The following DOCK3 variants were observed in gnomAD, a reference collection of about 807,000 sequenced individuals.
The protein encoded by DOCK3 is dedicator of cytokinesis 3.
DOCK3 carries 60 observed loss-of-function variants against 265.6 expected under a neutral mutation model. The observed-to-expected ratio is 0.23, with a 90% confidence interval of 0.18 to 0.28. DOCK3 has a LOEUF of 0.28. Ranked by LOEUF, DOCK3 falls within the 10% of genes least tolerant of loss-of-function variation. DOCK3 has a pLI of 1.00. For synonymous variants in DOCK3, 881 were observed against 938.0 expected (o/e 0.94, Z 1.11); for missense variants, 1,981 against 2,594.3 (o/e 0.76, Z 5.14).
intron 9 of DOCK3, among the ~76,000 whole-genome samples, chr3:51,142,789 G>C (rs1402398621): frequency 6.6e-6 from 1 of 152,132 alleles, no homozygotes; most frequent in Non-Finnish European, 1.5e-5. Flanking sequence ...CTGTCAAGCT[G>C]TTTTCCAAAG....
intron 27 of DOCK3, among the ~76,000 whole-genome samples, chr3:51,299,922 T>G (rs765938393): frequency 6.6e-6 from 1 of 152,220 alleles, no homozygotes; most frequent in African/African-American, 2.4e-5. Flanking sequence ...ATATGACTTT[T>G]AAAGTAGTTT....
Position 51,220,512 on chromosome 3 carries a change from C to T in DOCK3, c.1253-5137C>T, listed in dbSNP as rs548469054. On this transcript the variant is annotated intron_variant, in intron 14 of 52. Coordinates refer to ENST00000266037, the MANE Select transcript of DOCK3 (RefSeq NM_004947.5). ...TCTCTACTAAAAATACAAAAATTAG[C>T]TCGGCATGGTGGCAGGAGCCTTTAA... 2.6e-5 allele frequency among the ~76,000 whole-genome samples: 4 copies of T among 151,592 alleles called. No individual in the cohort carries two copies. In the South Asian group the frequency reaches 6.3e-4, roughly 24 times the overall value.
At chr3:51,230,750 C>T (rs951218029) in intron 19 of DOCK3, among the ~76,000 whole-genome samples, 2 of 152,124 alleles carry the variant, frequency 1.3e-5, no homozygotes, top group Non-Finnish European at 2.9e-5. Context: ...CCCTTGACCT[C>T]GTGATCCATC....
chr3:51,344,097 G>A lies in DOCK3; in HGVS notation c.3915+2712G>A, dbSNP rs776544847. The stretch of plus-strand genomic sequence containing the variant: ...TGGACAGAGGCTAGCAAACCATCAG[G>A]GCTAGACCAGCCACTTATGTGGGAG... On this transcript the variant is annotated intron_variant, in intron 38 of 52. Coordinates refer to ENST00000266037, the MANE Select transcript of DOCK3 (RefSeq NM_004947.5). Among the ~76,000 whole-genome samples the A allele has an allele frequency of 6.5e-4, 99 of 152,302 alleles. 1 individual carries two copies. The highest frequency in any genetic ancestry group is 9.6e-4 in the Non-Finnish European group (65 of 68,032).
intron 24 of DOCK3, 40 bp downstream of exon 24, chr3:51,271,047 G>T: frequency 6.3e-7 from 1 of 1,577,114 alleles, no homozygotes; most frequent in South Asian, 1.2e-5. Context: ...TCCTTCCAGG[G>T]GTGTCCTCCT....
chr3:50,927,728 C>T (rs1033003587), intron 4 of DOCK3, among the ~76,000 whole-genome samples: 4 of 152,146 alleles, frequency 2.6e-5, no homozygotes, highest in African/African-American at 9.7e-5. Context: ...TAGGTCATAG[C>T]CCTGTGTTCC....
intron 2 of DOCK3, among the ~76,000 whole-genome samples, chr3:50,830,077 ATTATCT>A (rs746512257): frequency 3.3e-5 from 5 of 152,308 alleles, no homozygotes; most frequent in Admixed American, 6.5e-5. Context: ...TTGAGGCTGA[ATTATCT>A]TATAAGTTTC....
At chr3:51,172,054 A>G (rs1456912191) in intron 12 of DOCK3, among the ~76,000 whole-genome samples, 8 of 152,178 alleles carry the variant, frequency 5.3e-5, no homozygotes, top group Admixed American at 1.3e-4. Flanking sequence ...ACTTGGATGA[A>G]TTCACTCTTT....
intron 10 of DOCK3, among the ~76,000 whole-genome samples, chr3:51,150,910 T>C (rs944218607): frequency 9.9e-5 from 15 of 152,164 alleles, no homozygotes; most frequent in Non-Finnish European, 1.5e-4. Context: ...TTCTGTCTCG[T>C]TGATCTGTCT....
At chr3:50,874,694 A>G (rs1415492492) in intron 3 of DOCK3, among the ~76,000 whole-genome samples, 3 of 151,764 alleles carry the variant, frequency 2.0e-5, no homozygotes, top group Non-Finnish European at 2.9e-5. Context: ...TAAGTATTTT[A>G]TTTTATTTTT....
At chr3:50,949,874 T>C (rs2076542836) in intron 5 of DOCK3, among the ~76,000 whole-genome samples, 1 of 152,136 alleles carries the variant, frequency 6.6e-6, no homozygotes, top group African/African-American at 2.4e-5. Context: ...GAAATATCTT[T>C]TGGCTTTGCC....
In DOCK3 at chr3:51,297,072, C is replaced by A. The variant is rs1475567821; in HGVS notation, c.2923-13160C>A. On this transcript the variant is annotated intron_variant, in intron 27 of 52. Coordinates refer to ENST00000266037, the MANE Select transcript of DOCK3 (RefSeq NM_004947.5). ...GGCAGAGGTTGCAGTGAGCTGAGAT[C>A]GTGCCACTGCACTCCAGCCTGGGGG... Among the ~76,000 whole-genome samples the A allele has an allele frequency of 5.5e-5, 7 of 128,094 alleles. No individual in the cohort carries two copies. In the Admixed American group the frequency reaches 6.4e-4, roughly 12 times the overall value. 84.0% of individuals were successfully genotyped at this position (128,094 alleles called of 152,430 possible).
chr3:50,887,393 C>T (rs893447535), intron 3 of DOCK3, among the ~76,000 whole-genome samples: 1 of 130,076 alleles, frequency 7.7e-6, no homozygotes, highest in Non-Finnish European at 1.6e-5. Flanking sequence ...CCAATAAAAG[C>T]CCAGGACCAG....
At chr3:51,249,468 C>T (rs1251028463) in intron 22 of DOCK3, among the ~76,000 whole-genome samples, 2 of 110,290 alleles carry the variant, frequency 1.8e-5, no homozygotes, top group Non-Finnish European at 1.9e-5. Context: ...AGGAGCCCCT[C>T]TGCCCAGCCA....
intron 2 of DOCK3, among the ~76,000 whole-genome samples, chr3:50,819,515 G>A (rs1288624131): frequency 6.6e-6 from 1 of 152,138 alleles, no homozygotes; most frequent in African/African-American, 2.4e-5. Flanking sequence ...GGGCATGGTG[G>A]CTAACACCTT....
At chr3:50,916,224 C>T (rs1034432442) in intron 4 of DOCK3, among the ~76,000 whole-genome samples, 1 of 151,938 alleles carries the variant, frequency 6.6e-6, no homozygotes, top group Non-Finnish European at 1.5e-5. Flanking sequence ...TTCAACTGTC[C>T]AGGGTGTTAA....
intron 3 of DOCK3, among the ~76,000 whole-genome samples, chr3:50,876,143 C>A (rs1325516690): frequency 2.0e-5 from 3 of 151,884 alleles, no homozygotes; most frequent in Non-Finnish European, 4.4e-5. Flanking sequence ...ACTGGAATAT[C>A]AATATTTTTA....
intron 1 of DOCK3, among the ~76,000 whole-genome samples, chr3:50,697,643 AC>A (rs1359786638): frequency 6.6e-6 from 1 of 152,082 alleles, no homozygotes; most frequent in African/African-American, 2.4e-5. Context: ...GCCGGGCACA[AC>A]CTTAGCCTCT....
At chr3:51,234,283 G>A (rs950080750) in intron 19 of DOCK3, among the ~76,000 whole-genome samples, 3 of 152,068 alleles carry the variant, frequency 2.0e-5, no homozygotes, top group African/African-American at 7.2e-5. Context: ...GGCCATTTGT[G>A]TATCTTCTTT....
Sources: gnomAD v4.1 joint callset for allele counts (sites outside exome capture counted in the v4.1 genomes callset) on GRCh38, gnomAD v4.1.1 for gene constraint, MANE v1.5 for transcripts, NCBI Gene and HGNC (gene_info 2026-07-23, HGNC 2026-07-21) for gene names.